ALOX15B: variants seen among roughly 807,000 people sequenced by gnomAD.
ALOX15B encodes the protein polyunsaturated fatty acid lipoxygenase ALOX15B.
ALOX15B carries 74 observed loss-of-function variants against 73.8 expected under a neutral mutation model. The observed-to-expected ratio is 1.00, with a 90% CI of 0.83 to 1.22. The LOEUF (loss-of-function observed/expected upper bound fraction) is 1.22, where lower values mean the gene tolerates loss of function less well. ALOX15B is among the 50% of genes most tolerant of loss of function. The pLI is 0.00. For synonymous variants in ALOX15B, 353 were observed against 357.2 expected (o/e 0.99, Z 0.13); for missense variants, 896 against 859.9 (o/e 1.04, Z -0.52).
In ALOX15B at chr17:8,039,457, C is replaced by G; in HGVS notation, c.219C>G (p.Pro73=). The change falls in exon 2 of 14, where the codon CCC becomes CCG. Residue 73 remains proline, a synonymous_variant. Coordinates refer to ENST00000380183, the MANE Select transcript of ALOX15B (RefSeq NM_001141.3). ...TGCTGCTGCGCGTGCACAAGGCGCC[C>G]CCAGTGCTGCCCCTGCTGGGGCCCC... ...RVLLLRVHKA[P]PVLPLLGPLA... 1 of 1,605,972 alleles carries G rather than the reference C, an allele frequency of 6.2e-7. No individual in the cohort carries two copies. Among genetic ancestry groups the G allele is most frequent in the Non-Finnish European group, 8.5e-7 (1 of 1,177,240 alleles).
At chr17:8,042,348 C>G in intron 3 of ALOX15B, 21 bp from the exon 4 acceptor site, 1 of 1,612,714 alleles carries the variant, frequency 6.2e-7, no homozygotes, top group Admixed American at 1.7e-5. Context: ...TTGCTGACCA[C>G]CTTCCCTCTC....
intron 3 of ALOX15B, 86 bp downstream of exon 3, chr17:8,040,069 C>A: frequency 1.6e-6 from 2 of 1,281,858 alleles, no homozygotes; most frequent in Non-Finnish European, 2.2e-6. Flanking sequence ...AGATTAAAAG[C>A]CCCTGCCTCC....
At chr17:8,039,742 C>T in intron 2 of ALOX15B, 137 bp downstream of exon 2, 3 of 1,201,126 alleles carry the variant, frequency 2.5e-6, no homozygotes, top group Admixed American at 2.6e-5. Flanking sequence ...GAGGGAATGG[C>T]GGAGCCTTGG....
chr17:8,042,802 G>A lies in ALOX15B; in HGVS notation c.594G>A (p.Lys198=). The A allele has an allele frequency of 6.4e-7, 1 of 1,559,152 alleles. No individual in the cohort carries two copies. The highest frequency in any genetic ancestry group is 1.2e-5 in the South Asian group (1 of 84,538). Residue 198 remains lysine (K), a synonymous_variant, in exon 5 of 14, where the codon AAG becomes AAA. Transcript: ENST00000380183. The part of the protein sequence containing the change: ...AGSAFAEMKI[K]GLLDRKGLWR... ...GCAGTTTTGCAGAGATGAAAATCAA[G>A]GGGTTGCTGGACCGCAAGGGGCTCT... is the stretch of plus-strand genomic sequence containing the variant.
Position 8,039,467 on chromosome 17 carries a change from C to T in ALOX15B, c.229C>T (p.Pro77Ser). ...LRVHKAPPVL[P>S]LLGPLAPDAW... is the part of the protein sequence containing the mutation. ...CGTGCACAAGGCGCCCCCAGTGCTG[C>T]CCCTGCTGGGGCCCCTGGCCCCGGA... The change falls in exon 2 of 14, where the codon CCC becomes TCC. Residue 77 changes from proline (P) to serine (S), a missense_variant. Pro to Ser is a moderately conservative substitution (Grantham distance 74). Coordinates refer to ENST00000380183, the MANE Select transcript of ALOX15B (RefSeq NM_001141.3). 1.2e-6 allele frequency: 2 copies of T among 1,602,214 alleles called. No homozygotes were observed. Among genetic ancestry groups the T allele is most frequent in the Non-Finnish European group, 1.7e-6 (2 of 1,175,730 alleles).
At chr17:8,048,076 G>T (rs1976662120) in intron 13 of ALOX15B, among the ~76,000 whole-genome samples, 161 bp downstream of exon 13, 2 of 152,192 alleles carry the variant, frequency 1.3e-5, no homozygotes, top group Admixed American at 1.3e-4. Flanking sequence ...TCACAGTGAA[G>T]GTCAAATGGC....
rs768039134 is a variant in ALOX15B, at chr17:8,044,908, C to T, written c.756C>T (p.Arg252=). ...ATGGTCTCAACCCTGTCCTGATCCG[C>T]CGCTGTCACTACCTCCCAAAGAACT... The part of the protein sequence containing the change: ...FLNGLNPVLI[R]RCHYLPKNFP... The change falls in exon 6 of 14, where the codon CGC becomes CGT. Residue 252 remains arginine, a synonymous_variant. Transcript: ENST00000380183. 1 of 1,614,136 alleles carries T rather than the reference C, an allele frequency of 6.2e-7. No homozygotes were observed. Among genetic ancestry groups the T allele is most frequent in the Non-Finnish European group, 8.5e-7 (1 of 1,180,002 alleles).
chr17:8,044,337 G>T (rs546766126), intron 5 of ALOX15B, among the ~76,000 whole-genome samples: 1 of 151,108 alleles, frequency 6.6e-6, no homozygotes, highest in African/African-American at 2.4e-5. Context: ...CAGGAGGATC[G>T]GTTGAACCCA....
intron 2 of ALOX15B, 53 bp downstream of exon 2, chr17:8,039,658 G>C (rs1976380899): frequency 3.7e-6 from 4 of 1,079,180 alleles, no homozygotes; most frequent in African/African-American, 1.5e-5. Flanking sequence ...AGGGGTAGGG[G>C]ACTGGGGGTT....
intron 4 of ALOX15B, 145 bp downstream of exon 4, chr17:8,042,636 C>A: frequency 7.3e-7 from 1 of 1,363,606 alleles, no homozygotes; most frequent in Non-Finnish European, 1.0e-6. Flanking sequence ...CACTACCAAT[C>A]CCACAGAGCA....
rs202104819 is a variant in ALOX15B, at chr17:8,044,822, C to G, written c.677-7C>G. On this transcript the variant is annotated splice_polypyrimidine_tract_variant and splice_region_variant and intron_variant, in intron 5 of 13. Coordinates refer to ENST00000380183, the MANE Select transcript of ALOX15B (RefSeq NM_001141.3). ...GACCCCGTTCCCCTGTCCCCCACCC[C>G]CTGCAGAGCACGCATTTGAGCACTG... 1.1e-5 allele frequency: 17 copies of G among 1,612,470 alleles called. No homozygotes were observed. Among genetic ancestry groups the G allele is most frequent in the Non-Finnish European group, 1.2e-5 (14 of 1,178,960 alleles).
rs368392738 is a variant in ALOX15B, at chr17:8,039,161, C to A, written c.6C>A (p.Ala2=). The change falls in exon 1 of 14, where the codon GCC becomes GCA. Residue 2 remains alanine (A), a synonymous_variant. Transcript: ENST00000380183. ...GCTGGACTTAGGCTGGCAGCATGGC[C>A]GAGTTCAGGGTCAGGGTGTCCACCG... M[A]EFRVRVSTGE... is the part of the protein sequence containing the mutation. 2.0e-5 allele frequency: 33 copies of A among 1,612,854 alleles called. No homozygotes were observed. Among genetic ancestry groups the A allele is most frequent in the Non-Finnish European group, 2.8e-5 (33 of 1,179,562 alleles).
At chr17:8,043,432 A>C (rs926881200) in intron 5 of ALOX15B, among the ~76,000 whole-genome samples, 1 of 152,240 alleles carries the variant, frequency 6.6e-6, no homozygotes, top group Non-Finnish European at 1.5e-5. Flanking sequence ...GGAGGAAAGA[A>C]AACACCACTG....
At position 8,047,684 on chromosome 17, in the gene ALOX15B, C is replaced by T. The variant is rs774361741; in HGVS notation, c.1680+20C>T. 29 of 1,613,082 alleles carry T rather than the reference C, an allele frequency of 1.8e-5. No individual in the cohort carries two copies. Among genetic ancestry groups the T allele is most frequent in the East Asian group, 1.3e-4 (6 of 44,848 alleles). The stretch of plus-strand genomic sequence containing the variant: ...GGGCAGGTGAGGAAAGGCCAGCGCC[C>T]GAGGTGGCAGGCTGGAGGTGACCCA... On this transcript the variant is annotated intron_variant, in intron 12 of 13. Transcript: ENST00000380183.
Position 8,039,448 on chromosome 17 carries a change from C to T in ALOX15B, c.210C>T (p.His70=), listed in dbSNP as rs1976367476. Residue 70 remains histidine (H), a synonymous_variant, in exon 2 of 14, where the codon CAC becomes CAT. Transcript: ENST00000380183. ...GCCGAGTGCTGCTGCTGCGCGTGCA[C>T]AAGGCGCCCCCAGTGCTGCCCCTGC... The part of the protein sequence containing the change: ...DVGRVLLLRV[H]KAPPVLPLLG... 6.2e-7 allele frequency: 1 copy of T among 1,609,592 alleles called. No individual in the cohort carries two copies. Among genetic ancestry groups the T allele is most frequent in the Non-Finnish European group, 8.5e-7 (1 of 1,178,626 alleles).
intron 8 of ALOX15B, 87 bp from the exon 9 acceptor site, chr17:8,046,581 C>T: frequency 8.0e-6 from 11 of 1,376,142 alleles, no homozygotes; most frequent in Non-Finnish European, 1.1e-5. Flanking sequence ...TTCCAAGTGA[C>T]TTGCAGGGCT....
chr17:8,045,702 A>C lies in ALOX15B; in HGVS notation c.1200+16A>C. ...TCTCTTCAAGGTCAGTGGCTTGACA[A>C]GGTGGCCCAGCCTGTGCCCATGCCT... On this transcript the variant is annotated intron_variant, in intron 8 of 13. Coordinates refer to ENST00000380183, the MANE Select transcript of ALOX15B (RefSeq NM_001141.3). 6.2e-7 allele frequency: 1 copy of C among 1,611,442 alleles called. No homozygotes were observed. Among genetic ancestry groups the C allele is most frequent in the Non-Finnish European group, 8.5e-7 (1 of 1,179,338 alleles).
At position 8,041,692 on chromosome 17, in the gene ALOX15B, G is replaced by T. The variant is rs373868172; in HGVS notation, c.450-677G>T. Among the ~76,000 whole-genome samples, 21 of 152,350 alleles carry T rather than the reference G, an allele frequency of 1.4e-4. No individual in the cohort carries two copies. The East Asian group carries it at 2.9e-3, about 21-fold the overall frequency. ...GGGGTCATCAAGTTTGCAGATACAT[G>T]AATTTACCATTTCCCTGGAAGGTCT... On this transcript the variant is annotated intron_variant, in intron 3 of 13. Transcript: ENST00000380183.
chr17:8,040,601 G>GAGAAAGAAAGAGAGAGAAAGAA (rs1976420299), intron 3 of ALOX15B, among the ~76,000 whole-genome samples: 3 of 109,528 alleles, frequency 2.7e-5, no homozygotes, highest in Admixed American at 1.9e-4. Flanking sequence ...AAGAAAGAGA[G>GAGAAAGAAAGAGAGAGAAAGAA]AGAAAGAAAG....
Sources: allele counts gnomAD v4.1 joint callset (sites outside exome capture counted in the v4.1 genomes callset), GRCh38; gene constraint gnomAD v4.1.1; transcripts MANE v1.5; gene names NCBI Gene and HGNC (gene_info 2026-07-23, HGNC 2026-07-21).